SLC2A9: variants seen among roughly 807,000 people sequenced by gnomAD.
SLC2A9 encodes solute carrier family 2 member 9, also known as solute carrier family 2, facilitated glucose transporter member 9.
Under a neutral mutation model 50.6 loss-of-function variants are expected in SLC2A9, and 39 were observed. The observed-to-expected ratio is 0.77, with a 90% CI of 0.60 to 1.01. The LOEUF is 1.01. Ranked by LOEUF, SLC2A9 falls within the 50% of genes least tolerant of loss-of-function variation. SLC2A9 has a pLI of 0.00. For missense variants in SLC2A9, 686 were observed against 677.6 expected, an observed-to-expected ratio of 1.01 and a Z score of -0.14; for synonymous variants, 324 against 276.9, an observed-to-expected ratio of 1.17 and a Z score of -1.69.
At chr4:9,890,502 G>T in intron 9 of SLC2A9, 108 bp downstream of exon 9, 1 of 1,025,356 alleles carries the variant, frequency 9.8e-7, no homozygotes, top group Non-Finnish European at 1.5e-6. Context: ...TTTATCACAA[G>T]TGTTTTCTGT....
At chr4:9,813,352 T>C (rs1723129642) in intron 3 of SLC2A9, among the ~76,000 whole-genome samples, 1 of 152,216 alleles carries the variant, frequency 6.6e-6, no homozygotes, top group Non-Finnish European at 1.5e-5. Context: ...CATTTACTTG[T>C]TCACTCCCAT....
At chr4:9,919,195 A>T (rs1431841157) in intron 7 of SLC2A9, among the ~76,000 whole-genome samples, 1 of 151,950 alleles carries the variant, frequency 6.6e-6, no homozygotes, top group Non-Finnish European at 1.5e-5. Context: ...GTCTGGCAAA[A>T]CCTCGGTCTC....
chr4:9,842,551 G>C (rs1460937395), intron 10 of SLC2A9, among the ~76,000 whole-genome samples: 1 of 152,170 alleles, frequency 6.6e-6, no homozygotes, highest in Non-Finnish European at 1.5e-5. Context: ...CCAGTTACTA[G>C]TCCTGCTTGT....
intron 1 of SLC2A9, among the ~76,000 whole-genome samples, chr4:10,020,433 G>A (rs1432227292): frequency 6.6e-6 from 1 of 152,160 alleles, no homozygotes; most frequent in Non-Finnish European, 1.5e-5. Context: ...CAGAGGAGGT[G>A]CTCCGTAGAG....
intron 1 of SLC2A9, among the ~76,000 whole-genome samples, chr4:10,028,822 C>G (rs150101941): frequency 6.6e-6 from 1 of 152,184 alleles, no homozygotes; most frequent in Non-Finnish European, 1.5e-5. Flanking sequence ...CGGTGCCTCC[C>G]AAGCACTAAT....
chr4:9,834,756 C>T, intron 11 of SLC2A9, 125 bp downstream of exon 11: 1 of 1,464,376 alleles, frequency 6.8e-7, no homozygotes. Flanking sequence ...TTCTTCCTTC[C>T]TTAGGAAAAT....
chr4:9,830,596 G>A (rs1453558443), intron 11 of SLC2A9, among the ~76,000 whole-genome samples: 2 of 152,174 alleles, frequency 1.3e-5, no homozygotes, highest in Non-Finnish European at 2.9e-5. Flanking sequence ...TAGGCACTCA[G>A]GATATGACCC....
chr4:9,842,684 G>A (rs1276292286), intron 10 of SLC2A9, among the ~76,000 whole-genome samples: 8 of 152,182 alleles, frequency 5.3e-5, no homozygotes, highest in Non-Finnish European at 1.0e-4. Context: ...GTCTTGCACA[G>A]GGTACTCTTC....
At chr4:9,885,212 T>C (rs915963459) in intron 10 of SLC2A9, among the ~76,000 whole-genome samples, 8 of 152,096 alleles carry the variant, frequency 5.3e-5, no homozygotes, top group Admixed American at 2.0e-4. Context: ...AAAAAAAATA[T>C]GGTTCTATTT....
In SLC2A9 at chr4:9,783,057, T is replaced by A. The variant is rs1368948829; in HGVS notation, n.386-2992A>T. On this transcript the variant is annotated intron_variant and non_coding_transcript_variant, in intron 3 of 3. Transcript: ENST00000503803. ...TGCGTCAGTGAGACCACCTTCGACG[T>A]CTTCGTCTGGTTCGGCTGGGCTAAC... is the stretch of plus-strand genomic sequence containing the variant. The A allele has an allele frequency of 2.4e-5, 38 of 1,614,074 alleles. No homozygotes were observed. Among genetic ancestry groups the A allele is most frequent in the Non-Finnish European group, 3.1e-5 (37 of 1,180,032 alleles).
intron 3 of SLC2A9, among the ~76,000 whole-genome samples, chr4:9,800,277 A>G (rs1410527983): frequency 6.6e-6 from 1 of 152,208 alleles, no homozygotes; most frequent in African/African-American, 2.4e-5. Context: ...CCTCAAATTC[A>G]TATGTTGAAG....
intron 10 of SLC2A9, among the ~76,000 whole-genome samples, chr4:9,846,027 C>A (rs1728935733): frequency 6.6e-6 from 1 of 152,188 alleles, no homozygotes; most frequent in Non-Finnish European, 1.5e-5. Context: ...GATGTAAGAA[C>A]TATCTTGGGA....
At chr4:9,877,375 G>C (rs553346778) in intron 10 of SLC2A9, among the ~76,000 whole-genome samples, 1 of 152,194 alleles carries the variant, frequency 6.6e-6, no homozygotes, top group Non-Finnish European at 1.5e-5. Context: ...ACCCAACTTG[G>C]GGTAGTGCCT....
At chr4:9,776,707 G>T (rs1717618182), downstream of SLC2A9, among the ~76,000 whole-genome samples, 1 of 152,126 alleles carries the variant, frequency 6.6e-6, no homozygotes, top group Non-Finnish European at 1.5e-5. Flanking sequence ...ATAGCGTTCT[G>T]GTGTTTCCTG....
At chr4:9,928,715 C>T (rs1745354683) in intron 6 of SLC2A9, among the ~76,000 whole-genome samples, 1 of 152,172 alleles carries the variant, frequency 6.6e-6, no homozygotes, top group African/African-American at 2.4e-5. Context: ...GCCTGGGTGA[C>T]AGAGCAAGAC....
chr4:9,885,384 T>C (rs1293828874), intron 10 of SLC2A9, among the ~76,000 whole-genome samples: 1 of 152,218 alleles, frequency 6.6e-6, no homozygotes, highest in South Asian at 2.1e-4. Context: ...TTTTGCTCCA[T>C]GCAATTGGCT....
At chr4:9,827,154 C>T (rs565240554) in intron 11 of SLC2A9, among the ~76,000 whole-genome samples, 3 of 152,334 alleles carry the variant, frequency 2.0e-5, no homozygotes, top group Admixed American at 1.3e-4. Flanking sequence ...AATGCAATCA[C>T]TCCGTTTTAT....
chr4:9,921,384 A>C (rs77935410), intron 6 of SLC2A9, among the ~76,000 whole-genome samples: 1 of 152,198 alleles, frequency 6.6e-6, no homozygotes, highest in South Asian at 2.1e-4. Context: ...GATCCCGGAA[A>C]GCACAATAAT....
intron 10 of SLC2A9, among the ~76,000 whole-genome samples, chr4:9,883,285 T>G (rs1013403943): frequency 2.6e-5 from 4 of 152,206 alleles, no homozygotes; most frequent in Non-Finnish European, 5.9e-5. Context: ...GAGACTGGAT[T>G]TGGGGACAGA....
Sources: gnomAD v4.1 joint callset for allele counts (sites outside exome capture counted in the v4.1 genomes callset) on GRCh38, gnomAD v4.1.1 for gene constraint, MANE v1.5 for transcripts, NCBI Gene and HGNC (gene_info 2026-07-23, HGNC 2026-07-21) for gene names.